Variants in DAB1 observed in about 807,000 individuals in gnomAD.
DAB1 encodes the protein disabled homolog 1.
A neutral mutation model predicts 64.6 loss-of-function variants in DAB1; 15 were observed. That is an observed-to-expected ratio of 0.23 (90% CI 0.16 to 0.36). The LOEUF (loss-of-function observed/expected upper bound fraction) is 0.36, where lower values mean the gene tolerates loss of function less well. Ranked by LOEUF, DAB1 falls within the 10% of genes least tolerant of loss-of-function variation. The pLI, the probability that DAB1 is intolerant of heterozygous loss-of-function variation, is 1.00. For synonymous variants in DAB1, 235 were observed against 251.9 expected, an observed-to-expected ratio of 0.93 and a Z score of 0.64; for missense variants, 596 against 706.7, an observed-to-expected ratio of 0.84 and a Z score of 1.78.
intron 4 of DAB1, among the ~76,000 whole-genome samples, chr1:57,119,658 C>A (rs1656457430): frequency 6.6e-6 from 1 of 152,062 alleles, no homozygotes; most frequent in Non-Finnish European, 1.5e-5. Flanking sequence ...TATATATAAA[C>A]AAATTAATGG....
intron 2 of DAB1, among the ~76,000 whole-genome samples, chr1:57,279,423 G>A (rs757800642): frequency 6.6e-6 from 1 of 152,116 alleles, no homozygotes; most frequent in South Asian, 2.1e-4. Context: ...TCTATCCAAT[G>A]TTGGTTGAAT....
intron 4 of DAB1, among the ~76,000 whole-genome samples, chr1:58,205,928 T>C (rs1005085399): frequency 6.6e-6 from 1 of 152,214 alleles, no homozygotes; most frequent in African/African-American, 2.4e-5. Flanking sequence ...TATCCTTTTC[T>C]GAGGCCAACT....
At chr1:57,480,291 G>C (rs1005963740) in intron 7 of DAB1, among the ~76,000 whole-genome samples, 1 of 152,072 alleles carries the variant, frequency 6.6e-6, no homozygotes, top group Non-Finnish European at 1.5e-5. Flanking sequence ...CAAGAGGAAA[G>C]AACATGGGCT....
At chr1:57,116,412 A>G (rs1172258480) in intron 4 of DAB1, among the ~76,000 whole-genome samples, 1 of 139,610 alleles carries the variant, frequency 7.2e-6, no homozygotes, top group African/African-American at 2.7e-5. Context: ...CAGTGAGCTG[A>G]GATCACGCCA....
chr1:57,033,236 C>A (rs1313053140), intron 9 of DAB1: 20 of 803,448 alleles, frequency 2.5e-5, no homozygotes, highest in Non-Finnish European at 3.8e-5. Context: ...GCAGGGCCCA[C>A]CAATAGTCTT....
At chr1:57,087,337 A>C (rs1653188459) in intron 4 of DAB1, among the ~76,000 whole-genome samples, 2 of 152,228 alleles carry the variant, frequency 1.3e-5, no homozygotes, top group African/African-American at 4.8e-5. Context: ...TAATCAGGGC[A>C]AGTTAGCCTC....
intron 6 of DAB1, among the ~76,000 whole-genome samples, chr1:57,753,667 C>T (rs1354437033): frequency 6.6e-6 from 1 of 152,146 alleles, no homozygotes; most frequent in African/African-American, 2.4e-5. Flanking sequence ...CCTATTGTTG[C>T]CCTCTTTGCA....
chr1:57,118,371 C>T (rs1238628115), intron 4 of DAB1, among the ~76,000 whole-genome samples: 1 of 152,164 alleles, frequency 6.6e-6, no homozygotes, highest in Non-Finnish European at 1.5e-5. Context: ...TTGGACAAGA[C>T]ACAACATGTA....
At chr1:57,395,462 T>G (rs1275043015) in intron 1 of DAB1, among the ~76,000 whole-genome samples, 1 of 152,132 alleles carries the variant, frequency 6.6e-6, no homozygotes, top group African/African-American at 2.4e-5. Flanking sequence ...ACGGGAAACG[T>G]AAAGAAGGAA....
intron 3 of DAB1, among the ~76,000 whole-genome samples, chr1:58,444,044 A>T (rs529910758): frequency 6.6e-6 from 1 of 152,212 alleles, no homozygotes; most frequent in Non-Finnish European, 1.5e-5. Context: ...AGTGAATAGT[A>T]ATTGCTGACT....
chr1:57,269,844 T>C (rs904179919), intron 2 of DAB1, among the ~76,000 whole-genome samples: 2 of 152,048 alleles, frequency 1.3e-5, no homozygotes, highest in African/African-American at 2.4e-5. Flanking sequence ...CCCTAAATCA[T>C]GTATGGCAGG....
intron 4 of DAB1, among the ~76,000 whole-genome samples, chr1:58,156,689 G>C (rs1655247332): frequency 6.6e-6 from 1 of 152,156 alleles, no homozygotes; most frequent in African/African-American, 2.4e-5. Context: ...GTAGGTGAAG[G>C]AGAAGGCAGG....
At chr1:57,213,346 T>C (rs977627313) in intron 2 of DAB1, among the ~76,000 whole-genome samples, 2 of 152,220 alleles carry the variant, frequency 1.3e-5, no homozygotes, top group Admixed American at 6.5e-5. Flanking sequence ...ATTTTGCATG[T>C]ACTACACATC....
At position 58,402,646 on chromosome 1, in the gene DAB1, GA is replaced by G. The variant is rs568974521; in HGVS notation, n.258-59244del. 9.2e-4 allele frequency among the ~76,000 whole-genome samples: 139 copies of G among 151,780 alleles called. 1 individual carries two copies. The highest frequency in any genetic ancestry group is 3.3e-3 in the African/African-American group (135 of 41,448). On this transcript the variant is annotated intron_variant and non_coding_transcript_variant, in intron 3 of 20. Transcript: ENST00000485760. ...TGAAGGGGAAGAGGAGGGAAAGGAGGAGGGGGGGAGAGAGAGGGAGAGAGGG... is the reference window on the plus strand; with the variant it reads ...TGAAGGGGAAGAGGAGGGAAAGGAGGGGGGGGGAGAGAGAGGGAGAGAGGG...
At chr1:58,529,643 C>G (rs752669907) in intron 1 of DAB1, among the ~76,000 whole-genome samples, 1 of 152,178 alleles carries the variant, frequency 6.6e-6, no homozygotes, top group East Asian at 1.9e-4. Context: ...TTAACAGTGC[C>G]GCATTAAAAC....
intron 5 of DAB1, among the ~76,000 whole-genome samples, chr1:58,149,158 T>A (rs1487793075): frequency 6.6e-6 from 1 of 152,216 alleles, no homozygotes; most frequent in Non-Finnish European, 1.5e-5. Flanking sequence ...TGTCTACTTA[T>A]TAATTTTCTG....
intron 8 of DAB1, 61 bp downstream of exon 8, chr1:57,069,299 C>G: frequency 1.5e-6 from 2 of 1,307,004 alleles, no homozygotes; most frequent in Non-Finnish European, 1.1e-6. Context: ...TTTAGACTAT[C>G]AGTACATTTA....
chr1:57,742,165 C>A (rs1648033237), intron 6 of DAB1, among the ~76,000 whole-genome samples: 1 of 152,130 alleles, frequency 6.6e-6, no homozygotes, highest in Admixed American at 6.5e-5. Flanking sequence ...GGCTCCTCAG[C>A]CCACTAATGC....
chr1:57,017,968 G>A (rs190959664), intron 11 of DAB1, among the ~76,000 whole-genome samples: 73 of 152,270 alleles, frequency 4.8e-4, no homozygotes, highest in African/African-American at 1.7e-3. Flanking sequence ...CACAAGAGGA[G>A]GGGGTGGCAC....
Sources: gnomAD v4.1 joint callset for allele counts (sites outside exome capture counted in the v4.1 genomes callset) on GRCh38, gnomAD v4.1.1 for gene constraint, MANE v1.5 for transcripts, NCBI Gene and HGNC (gene_info 2026-07-23, HGNC 2026-07-21) for gene names.